NT5M: variants seen among roughly 807,000 people sequenced by gnomAD.
NT5M encodes 5',3'-nucleotidase, mitochondrial.
Under a neutral mutation model 22.2 loss-of-function variants are expected in NT5M, and 22 were observed. The observed-to-expected ratio is 0.99, with a 90% confidence interval of 0.71 to 1.41. The LOEUF is 1.41. Among genes scored for constraint, NT5M ranks in the 40% most tolerant of loss-of-function variants. The probability of loss-of-function intolerance (pLI) is 0.00; values close to 1 mark genes in which losing one functional copy is unlikely to be tolerated. For missense variants in NT5M, 322 were observed against 314.8 expected, an observed-to-expected ratio of 1.02 and a Z score of -0.17; for synonymous variants, 167 against 133.0, an observed-to-expected ratio of 1.26 and a Z score of -1.76.
intron 3 of NT5M, among the ~76,000 whole-genome samples, chr17:17,330,742 C>CTTTTTTT (rs58633073): frequency 1.7e-5 from 2 of 118,724 alleles, no homozygotes; most frequent in African/African-American, 3.3e-5. Context: ...TTCTTTCTTT[C>CTTTTTTT]TTTTTTTTTT....
chr17:17,329,255 G>A (rs1398979297), intron 3 of NT5M, among the ~76,000 whole-genome samples: 2 of 152,224 alleles, frequency 1.3e-5, no homozygotes, highest in Non-Finnish European at 2.9e-5. Context: ...TGGGATTACA[G>A]GCGTGAGCCG....
At chr17:17,344,491 G>A (rs536933251) in intron 3 of NT5M, among the ~76,000 whole-genome samples, 1 of 152,308 alleles carries the variant, frequency 6.6e-6, no homozygotes, top group South Asian at 2.1e-4. Context: ...TGCTCCCTGT[G>A]TTTGGGTTAT....
chr17:17,325,409 CAG>C, intron 3 of NT5M, among the ~76,000 whole-genome samples: 1 of 152,224 alleles, frequency 6.6e-6, no homozygotes, highest in East Asian at 1.9e-4. Flanking sequence ...GGTCGGAAAT[CAG>C]GGGCCGTGCT....
intron 2 of NT5M, among the ~76,000 whole-genome samples, chr17:17,308,518 G>T (rs922368001): frequency 6.6e-6 from 1 of 152,048 alleles, no homozygotes; most frequent in Non-Finnish European, 1.5e-5. Flanking sequence ...CTTGAACCTG[G>T]GAGGCGGAGG....
At chr17:17,313,515 G>C (rs910605660) in intron 2 of NT5M, among the ~76,000 whole-genome samples, 3 of 152,202 alleles carry the variant, frequency 2.0e-5, no homozygotes, top group Non-Finnish European at 4.4e-5. Context: ...CTGTGTATCT[G>C]GTGCTGAAGT....
chr17:17,321,468 T>G (rs1338531430), intron 2 of NT5M, among the ~76,000 whole-genome samples: 1 of 151,602 alleles, frequency 6.6e-6, no homozygotes, highest in Non-Finnish European at 1.5e-5. Flanking sequence ...CGGCGGCAGG[T>G]GAGTCTCCAG....
At chr17:17,344,145 A>G (rs17726858) in intron 3 of NT5M, among the ~76,000 whole-genome samples, 53,100 of 152,014 alleles carry the variant, frequency 0.35, 10,313 homozygotes, top group East Asian at 0.51. Context: ...CCAGTTTGCT[A>G]TCCATCGGCC....
At position 17,303,377 on chromosome 17, in the gene NT5M, T is replaced by TGGGGCCGGTACTTGC. The variant is rs987523658; in HGVS notation, c.-172_-158dup. The TGGGGCCGGTACTTGC allele has an allele frequency of 1.3e-6, 1 of 761,468 alleles. No homozygotes were observed. The highest frequency in any genetic ancestry group is 6.1e-5 in the Admixed American group (1 of 16,368). 47.2% of individuals were successfully genotyped at this position (761,468 alleles called of 1,614,324 possible). A position where few individuals can be genotyped will look rare whatever the true frequency, so the allele number is the denominator to read the frequency against. On this transcript the variant is annotated 5_prime_UTR_variant, in exon 1 of 5. Transcript: ENST00000389022. ...GACCGCGCGCGCCGCGGCCTCGCTC[T>TGGGGCCGGTACTTGC]GGGGCCGGTACTTGCGCGCCCGCAC...
At position 17,346,980 on chromosome 17, in the gene NT5M, T is replaced by C; in HGVS notation, c.*33T>C. ...TGTGCTTCGGGCTCCTCTGTGGGGC[T>C]CTGACCTCAGGGCTCCCAGCTCGGG... is the stretch of plus-strand genomic sequence containing the variant. On this transcript the variant is annotated 3_prime_UTR_variant, in exon 5 of 5. Coordinates refer to ENST00000389022, the MANE Select transcript of NT5M (RefSeq NM_020201.4). 1 of 1,606,410 alleles carries C rather than the reference T, an allele frequency of 6.2e-7. No individual in the cohort carries two copies. Among genetic ancestry groups the C allele is most frequent in the Non-Finnish European group, 8.5e-7 (1 of 1,178,478 alleles).
intron 3 of NT5M, among the ~76,000 whole-genome samples, chr17:17,328,499 G>A (rs1041551178): frequency 1.3e-4 from 20 of 152,118 alleles, no homozygotes; most frequent in African/African-American, 2.4e-4. Context: ...GGCTGAGGGC[G>A]GGCTGGTATT....
chr17:17,303,429 C>G lies in NT5M; in HGVS notation c.-122C>G, dbSNP rs2048722261. ...CCGCGCTCCCCGCCCCGCTCCCCGT[C>G]CCGCGCTCCACGCGCGCCCCAGCGT... On this transcript the variant is annotated 5_prime_UTR_variant, in exon 1 of 5. Coordinates refer to ENST00000389022, the MANE Select transcript of NT5M (RefSeq NM_020201.4). The G allele has an allele frequency of 4.0e-6, 4 of 990,326 alleles. No homozygotes were observed. Among genetic ancestry groups the G allele is most frequent in the Non-Finnish European group, 3.6e-6 (3 of 831,978 alleles). The allele number at this position is 990,326 out of a possible 1,614,324, so 61.3% of individuals were successfully genotyped here.
At chr17:17,341,839 G>A (rs1397982744) in intron 3 of NT5M, among the ~76,000 whole-genome samples, 5 of 152,180 alleles carry the variant, frequency 3.3e-5, no homozygotes, top group Non-Finnish European at 5.9e-5. Flanking sequence ...GACCAGCCTG[G>A]CCAACGTGGT....
intron 3 of NT5M, among the ~76,000 whole-genome samples, chr17:17,323,676 C>G (rs2049203930): frequency 6.6e-6 from 1 of 152,184 alleles, no homozygotes; most frequent in Non-Finnish European, 1.5e-5. Context: ...AGTTGCCAAA[C>G]CCAGAGGAAA....
intron 2 of NT5M, among the ~76,000 whole-genome samples, chr17:17,318,785 C>CAAAAA (rs61422345): frequency 7.5e-5 from 3 of 40,250 alleles, no homozygotes; most frequent in African/African-American, 1.0e-4. Flanking sequence ...AACTCCGTCT[C>CAAAAA]AAAAAAAAAA....
At chr17:17,317,396 C>T (rs745742789) in intron 2 of NT5M, among the ~76,000 whole-genome samples, 36 of 152,148 alleles carry the variant, frequency 2.4e-4, no homozygotes, top group Non-Finnish European at 4.6e-4. Flanking sequence ...TTTGGATAGA[C>T]ATTTTTCCAA....
intron 2 of NT5M, among the ~76,000 whole-genome samples, 154 bp downstream of exon 2, chr17:17,306,797 A>C (rs2048812125): frequency 6.6e-6 from 1 of 152,196 alleles, no homozygotes; most frequent in South Asian, 2.1e-4. Context: ...AGCCTGGGGA[A>C]AACCACCAAA....
intron 2 of NT5M, among the ~76,000 whole-genome samples, chr17:17,319,137 C>G (rs2049098326): frequency 1.3e-5 from 2 of 151,058 alleles, no homozygotes; most frequent in African/African-American, 4.9e-5. Context: ...TTGCTTGAAC[C>G]TGTGAGGCAG....
intron 3 of NT5M, among the ~76,000 whole-genome samples, chr17:17,342,372 A>G (rs972825946): frequency 1.3e-5 from 2 of 151,816 alleles, no homozygotes; most frequent in Admixed American, 1.3e-4. Context: ...TCCCACGCAA[A>G]CCCTTTCTGC....
rs1039750520 is a variant in NT5M at position 17,304,501 on chromosome 17, C to T, written c.267+684C>T. On this transcript the variant is annotated intron_variant, in intron 1 of 4. Transcript: ENST00000389022. ...TGGTTGGTAAATTTGAAGTATTTTG[C>T]AAAAGGAACAGGGGATTTTGGTATG... 11 of 922,290 alleles carry T rather than the reference C, an allele frequency of 1.2e-5. No individual in the cohort carries two copies. The African/African-American group carries it at 1.8e-4, about 15-fold the overall frequency. The allele number at this position is 922,290 out of a possible 1,614,324, so 57.1% of individuals were successfully genotyped here. A position where few individuals can be genotyped will look rare whatever the true frequency, so the allele number is the denominator to read the frequency against.
Sources: gnomAD v4.1 joint callset for allele counts (sites outside exome capture counted in the v4.1 genomes callset) on GRCh38, gnomAD v4.1.1 for gene constraint, MANE v1.5 for transcripts, NCBI Gene and HGNC (gene_info 2026-07-23, HGNC 2026-07-21) for gene names.